The following GRAMD1B variants were observed in gnomAD, a reference collection of about 807,000 sequenced individuals.
The protein encoded by GRAMD1B is GRAM domain containing 1B, also known as protein Aster-B.
A neutral mutation model predicts 99.7 loss-of-function variants in GRAMD1B; 37 were observed. The ratio of observed to expected loss-of-function variants is 0.37; its 90% CI spans 0.29 to 0.49. GRAMD1B has a LOEUF of 0.49. GRAMD1B is among the 20% of genes least tolerant of loss of function. The pLI is 0.98. For synonymous variants in GRAMD1B, 427 were observed against 387.6 expected (o/e 1.10, Z -1.19); for missense variants, 888 against 1,009.2 (o/e 0.88, Z 1.63).
chr11:123,405,383 C>T (rs1947820910), intron 1 of GRAMD1B, among the ~76,000 whole-genome samples: 1 of 152,146 alleles, frequency 6.6e-6, no homozygotes, highest in Non-Finnish European at 1.5e-5. Flanking sequence ...CTCGAAGGCT[C>T]CCAGGGTAAG....
chr11:123,602,001 A>G (rs1952046353), intron 8 of GRAMD1B, among the ~76,000 whole-genome samples: 1 of 152,252 alleles, frequency 6.6e-6, no homozygotes, highest in Non-Finnish European at 1.5e-5. Context: ...ATGGTTTGGC[A>G]GAGAGGCAGA....
intron 1 of GRAMD1B, among the ~76,000 whole-genome samples, chr11:123,391,990 C>T (rs1947299257): frequency 6.6e-6 from 1 of 152,148 alleles, no homozygotes; most frequent in Non-Finnish European, 1.5e-5. Context: ...ATTACTTTAG[C>T]TCAGCTGAAC....
intron 1 of GRAMD1B, among the ~76,000 whole-genome samples, chr11:123,410,110 A>G (rs1044856606): frequency 6.6e-6 from 1 of 152,178 alleles, no homozygotes; most frequent in Non-Finnish European, 1.5e-5. Context: ...GGCTGAGACT[A>G]TGAGGTTTAT....
intron 1 of GRAMD1B, among the ~76,000 whole-genome samples, chr11:123,386,111 C>G (rs566608940): frequency 6.6e-6 from 1 of 152,296 alleles, no homozygotes; most frequent in South Asian, 2.1e-4. Flanking sequence ...GGTTATTAAA[C>G]CTCTCTCCAC....
chr11:123,467,967 G>A (rs1482750458), intron 1 of GRAMD1B, among the ~76,000 whole-genome samples: 1 of 151,792 alleles, frequency 6.6e-6, no homozygotes, highest in South Asian at 2.1e-4. Flanking sequence ...GGGTTCAGGC[G>A]ATTCTCCTGC....
chr11:123,571,118 G>C (rs1024369069), intron 2 of GRAMD1B, among the ~76,000 whole-genome samples: 2 of 152,190 alleles, frequency 1.3e-5, no homozygotes, highest in African/African-American at 4.8e-5. Context: ...GCAATATCTG[G>C]GGCAGAAATG....
At chr11:123,529,038 C>T (rs1001778330) in intron 2 of GRAMD1B, among the ~76,000 whole-genome samples, 8 of 152,156 alleles carry the variant, frequency 5.3e-5, no homozygotes, top group Non-Finnish European at 1.0e-4. Context: ...CTTCATTCTA[C>T]AAATGTTGAT....
chr11:123,598,567 G>T, intron 7 of GRAMD1B: 1 of 1,554,558 alleles, frequency 6.4e-7, no homozygotes, highest in Non-Finnish European at 8.9e-7. Flanking sequence ...GAGGTATCAA[G>T]TGACTCTAGG....
intron 19 of GRAMD1B, among the ~76,000 whole-genome samples, chr11:123,621,367 C>A (rs139856899): frequency 1.1e-3 from 174 of 152,326 alleles, no homozygotes; most frequent in African/African-American, 4.1e-3. Context: ...CCCATTTAGA[C>A]TGCAGTCTAT....
At chr11:123,537,170 G>A (rs370784829) in intron 2 of GRAMD1B, among the ~76,000 whole-genome samples, 2 of 152,282 alleles carry the variant, frequency 1.3e-5, no homozygotes, top group East Asian at 3.9e-4. Flanking sequence ...AGTGCCTGCT[G>A]TCATGGGGGT....
At chr11:123,417,246 G>A (rs535261930) in intron 1 of GRAMD1B, among the ~76,000 whole-genome samples, 2 of 152,182 alleles carry the variant, frequency 1.3e-5, no homozygotes, top group Non-Finnish European at 2.9e-5. Context: ...GGTGGTGTGT[G>A]CCTGTAATCC....
intron 2 of GRAMD1B, among the ~76,000 whole-genome samples, chr11:123,516,881 T>G (rs765789856): frequency 3.3e-5 from 5 of 152,218 alleles, no homozygotes. Context: ...GAAATATCAT[T>G]GTGATTTGCT....
intron 1 of GRAMD1B, among the ~76,000 whole-genome samples, chr11:123,450,262 G>T (rs922730233): frequency 6.6e-6 from 1 of 152,180 alleles, no homozygotes; most frequent in Non-Finnish European, 1.5e-5. Context: ...AGCTGTGGTT[G>T]CCATGGTAAT....
chr11:123,580,166 G>A (rs974297576), intron 3 of GRAMD1B, among the ~76,000 whole-genome samples: 1 of 152,194 alleles, frequency 6.6e-6, no homozygotes, highest in Non-Finnish European at 1.5e-5. Flanking sequence ...AGCATCCCAC[G>A]TGGAGCTGGG....
At chr11:123,484,862 C>T (rs1951802236) in intron 2 of GRAMD1B, among the ~76,000 whole-genome samples, 1 of 152,158 alleles carries the variant, frequency 6.6e-6, no homozygotes, top group Non-Finnish European at 1.5e-5. Context: ...TCTTCCTACC[C>T]AGTTAAGAGT....
chr11:123,607,107 C>G (rs185886458), intron 11 of GRAMD1B, among the ~76,000 whole-genome samples: 135 of 152,246 alleles, frequency 8.9e-4, no homozygotes, highest in Non-Finnish European at 1.5e-3. Flanking sequence ...TTATAAGCCA[C>G]AAGGAAGGTG....
At chr11:123,379,767 A>G (rs1946810735) in intron 1 of GRAMD1B, among the ~76,000 whole-genome samples, 2 of 152,328 alleles carry the variant, frequency 1.3e-5, no homozygotes, top group South Asian at 4.1e-4. Flanking sequence ...ACTATTTTCC[A>G]AAGGACTGCA....
At chr11:123,464,154 T>A (rs1375003793) in intron 1 of GRAMD1B, among the ~76,000 whole-genome samples, 3 of 148,408 alleles carry the variant, frequency 2.0e-5, no homozygotes, top group Non-Finnish European at 4.5e-5. Context: ...AAAAAAAAAA[T>A]TTAGCTGGGT....
chr11:123,541,536 T>A (rs987701240), intron 2 of GRAMD1B, among the ~76,000 whole-genome samples: 1 of 149,690 alleles, frequency 6.7e-6, no homozygotes, highest in African/African-American at 2.5e-5. Context: ...TTCTGTGAAT[T>A]GATTTTTTTT....
Sources: gnomAD v4.1 joint callset for allele counts (sites outside exome capture counted in the v4.1 genomes callset) on GRCh38, gnomAD v4.1.1 for gene constraint, MANE v1.5 for transcripts, NCBI Gene and HGNC (gene_info 2026-07-23, HGNC 2026-07-21) for gene names.